ARHGAP18: variants seen among roughly 807,000 people sequenced by gnomAD.
The protein encoded by ARHGAP18 is rho GTPase-activating protein 18.
In ARHGAP18, 67 loss-of-function variants were observed where a neutral mutation model predicts 86.2. The ratio of observed to expected loss-of-function variants is 0.78; its 90% CI spans 0.64 to 0.95. ARHGAP18 has a LOEUF of 0.95. Among genes scored for constraint, ARHGAP18 ranks in the 40% least tolerant of loss-of-function variants. The probability of loss-of-function intolerance (pLI) is 0.00; values close to 1 mark genes in which losing one functional copy is unlikely to be tolerated. For synonymous variants in ARHGAP18, 283 were observed against 280.4 expected, an observed-to-expected ratio of 1.01 and a Z score of -0.09; for missense variants, 691 against 780.4, an observed-to-expected ratio of 0.89 and a Z score of 1.37.
At chr6:129,600,182 A>C (rs1203897889) in intron 11 of ARHGAP18, among the ~76,000 whole-genome samples, 5 of 152,156 alleles carry the variant, frequency 3.3e-5, no homozygotes, top group Non-Finnish European at 5.9e-5. Flanking sequence ...TATAAATTTC[A>C]TTGGAAAATG....
At chr6:129,654,783 A>G (rs545796399) in intron 1 of ARHGAP18, among the ~76,000 whole-genome samples, 1 of 152,244 alleles carries the variant, frequency 6.6e-6, no homozygotes, top group South Asian at 2.1e-4. Flanking sequence ...CTCTCTGCCC[A>G]GTTCCTATAA....
chr6:129,642,300 T>G (rs1773485344), intron 1 of ARHGAP18, among the ~76,000 whole-genome samples: 1 of 152,228 alleles, frequency 6.6e-6, no homozygotes, highest in Admixed American at 6.5e-5. Flanking sequence ...AATATATTTT[T>G]TAGCGACAAG....
Position 129,599,376 on chromosome 6 carries a change from A to G in ARHGAP18, c.1573-20T>C. 1 of 1,458,426 alleles carries G rather than the reference A, an allele frequency of 6.9e-7. No individual in the cohort carries two copies. The highest frequency in any genetic ancestry group is 1.5e-5 in the South Asian group (1 of 65,424). 90.3% of individuals were successfully genotyped at this position (1,458,426 alleles called of 1,614,324 possible). Reference sequence around the variant, plus strand: ...GGGAATCTATAGAGAAAAGGAATTAAGCTTAGAGAGGAAAAAGAAATGCCA... The same window carrying G: ...GGGAATCTATAGAGAAAAGGAATTAGGCTTAGAGAGGAAAAAGAAATGCCA... On this transcript the variant is annotated intron_variant, in intron 11 of 14. Transcript: ENST00000368149.
At chr6:129,686,967 C>CT (rs755926635) in intron 1 of ARHGAP18, among the ~76,000 whole-genome samples, 18 of 72,514 alleles carry the variant, frequency 2.5e-4, no homozygotes, top group East Asian at 2.1e-3. Flanking sequence ...ATTTTTTTTT[C>CT]TTTTTTTTTT....
At position 129,580,140 on chromosome 6, in the gene ARHGAP18, G is replaced by A. The variant is rs1562674444; in HGVS notation, c.1839-9C>T. 6.2e-7 allele frequency: 1 copy of A among 1,612,000 alleles called. No individual in the cohort carries two copies. The highest frequency in any genetic ancestry group is 2.2e-5 in the East Asian group (1 of 44,784). ...GAGTCTGGGCAACCCCACTATGAGG[G>A]ACAAAACAAACCGATTAGTTGTATC... On this transcript the variant is annotated splice_polypyrimidine_tract_variant and intron_variant, in intron 13 of 14. Coordinates refer to ENST00000368149, the MANE Select transcript of ARHGAP18 (RefSeq NM_033515.3).
chr6:129,598,911 GAGAGGT>G, intron 12 of ARHGAP18: 1 of 182,666 alleles, frequency 5.5e-6, no homozygotes, highest in East Asian at 1.4e-4. Context: ...GTCTCCGCAC[GAGAGGT>G]AGAGGTAGGG....
At chr6:129,590,261 C>A (rs1788482428) in intron 12 of ARHGAP18, among the ~76,000 whole-genome samples, 2 of 152,152 alleles carry the variant, frequency 1.3e-5, no homozygotes, top group South Asian at 4.1e-4. Context: ...GGTACCATAG[C>A]TTTGGGGAGT....
intron 1 of ARHGAP18, among the ~76,000 whole-genome samples, chr6:129,689,109 G>T (rs566749137): frequency 6.6e-6 from 1 of 152,004 alleles, no homozygotes; most frequent in African/African-American, 2.4e-5. Flanking sequence ...ATTTCTGGAG[G>T]AATAAATGGG....
intron 6 of ARHGAP18, among the ~76,000 whole-genome samples, chr6:129,617,498 A>C (rs904709563): frequency 6.6e-6 from 1 of 152,228 alleles, no homozygotes; most frequent in African/African-American, 2.4e-5. Context: ...CCAAGGGTCT[A>C]GGGTATAACA....
intron 5 of ARHGAP18, among the ~76,000 whole-genome samples, chr6:129,624,834 C>A (rs1251074599): frequency 6.7e-6 from 1 of 148,994 alleles, no homozygotes; most frequent in Non-Finnish European, 1.5e-5. Context: ...AATCCCAGCT[C>A]TTTGGGAGGC....
At chr6:129,701,510 G>A (rs937613091) in intron 1 of ARHGAP18, among the ~76,000 whole-genome samples, 2 of 152,194 alleles carry the variant, frequency 1.3e-5, no homozygotes, top group African/African-American at 2.4e-5. Flanking sequence ...GGTGGCTCAC[G>A]CCTATAATCC....
intron 5 of ARHGAP18, among the ~76,000 whole-genome samples, chr6:129,622,226 TGA>T (rs1789244901): frequency 6.6e-6 from 1 of 152,220 alleles, no homozygotes; most frequent in Admixed American, 6.5e-5. Flanking sequence ...TGATTTCTAC[TGA>T]GTTTTCCTTT....
chr6:129,580,107 TTTC>T lies in ARHGAP18; in HGVS notation c.1860_1862del (p.Lys621del). On this transcript the variant is annotated inframe_deletion, in exon 14 of 15. Coordinates refer to ENST00000368149, the MANE Select transcript of ARHGAP18 (RefSeq NM_033515.3). Reference sequence around the variant, plus strand: ...CAATTTCATACAAAAAAACTTCTCCTTTCTTGAGAGTCTGGGCAACCCCACTAT... The same window carrying T: ...CAATTTCATACAAAAAAACTTCTCCTTTGAGAGTCTGGGCAACCCCACTAT... 3 of 1,613,804 alleles carry T rather than the reference TTTC, an allele frequency of 1.9e-6. No individual in the cohort carries two copies. Among genetic ancestry groups the T allele is most frequent in the Non-Finnish European group, 2.5e-6 (3 of 1,179,812 alleles).
rs574523166 is a variant in ARHGAP18, at chr6:129,608,464, T to TA, written c.1123-413dup. 3.2e-3 allele frequency among the ~76,000 whole-genome samples: 487 copies of TA among 152,168 alleles called. 3 individuals are homozygous for TA. Among genetic ancestry groups the TA allele is most frequent in the African/African-American group, 0.011 (471 of 41,542 alleles). ...GTTTTAAATTTAGAAGTATATTACA[T>TA]AAAAAAATACATAATCAGTCTCTGG... On this transcript the variant is annotated intron_variant, in intron 8 of 14. Transcript: ENST00000368149.
intron 1 of ARHGAP18, among the ~76,000 whole-genome samples, chr6:129,700,999 T>TAA (rs11461679): frequency 2.6e-4 from 37 of 140,280 alleles, no homozygotes; most frequent in Admixed American, 7.8e-4. Context: ...ACCCCTCCCT[T>TAA]AAAAAAAAAA....
chr6:129,593,741 C>T (rs1318668701), intron 12 of ARHGAP18, among the ~76,000 whole-genome samples: 3 of 152,078 alleles, frequency 2.0e-5, no homozygotes, highest in African/African-American at 7.2e-5. Context: ...CTACAATTTT[C>T]TTATTTTTCC....
In ARHGAP18 at chr6:129,580,133, T is replaced by C; in HGVS notation, c.1839-2A>G. 1.2e-6 allele frequency: 2 copies of C among 1,613,272 alleles called. No individual in the cohort carries two copies. Among genetic ancestry groups the C allele is most frequent in the Middle Eastern group, 1.7e-4 (1 of 6,056 alleles). ...TTCTTGAGAGTCTGGGCAACCCCAC[T>C]ATGAGGGACAAAACAAACCGATTAG... On this transcript the variant is annotated splice_acceptor_variant, in intron 13 of 14. Coordinates refer to ENST00000368149, the MANE Select transcript of ARHGAP18 (RefSeq NM_033515.3). LOFTEE classifies it high-confidence loss of function.
At chr6:129,628,201 A>G (rs1789522354) in intron 5 of ARHGAP18, among the ~76,000 whole-genome samples, 1 of 152,200 alleles carries the variant, frequency 6.6e-6, no homozygotes, top group Non-Finnish European at 1.5e-5. Context: ...TTGCTGCTAA[A>G]AAGTACCAGA....
At chr6:129,623,719 C>T (rs1197571060) in intron 5 of ARHGAP18, among the ~76,000 whole-genome samples, 1 of 152,084 alleles carries the variant, frequency 6.6e-6, no homozygotes, top group Non-Finnish European at 1.5e-5. Context: ...AACAATGAGT[C>T]CATACCTTCT....
Sources: allele counts gnomAD v4.1 joint callset (sites outside exome capture counted in the v4.1 genomes callset), GRCh38; gene constraint gnomAD v4.1.1; transcripts MANE v1.5; gene names NCBI Gene and HGNC (gene_info 2026-07-23, HGNC 2026-07-21).